Variants in SLC24A2 observed in about 807,000 individuals in gnomAD.
SLC24A2 encodes the protein sodium/potassium/calcium exchanger 2.
A neutral mutation model predicts 62.0 loss-of-function variants in SLC24A2; 36 were observed. The ratio of observed to expected loss-of-function variants is 0.58; its 90% CI spans 0.44 to 0.77. SLC24A2 has a LOEUF of 0.77. Ranked by LOEUF, SLC24A2 falls within the 30% of genes least tolerant of loss-of-function variation. The pLI, the probability that SLC24A2 is intolerant of heterozygous loss-of-function variation, is 0.00. For synonymous variants in SLC24A2, 358 were observed against 294.0 expected, an observed-to-expected ratio of 1.22 and a Z score of -2.23; for missense variants, 846 against 817.9, an observed-to-expected ratio of 1.03 and a Z score of -0.42.
chr9:20,215,880 G>C, the SLC24A2 span, among the ~76,000 whole-genome samples: 1 of 152,296 alleles, frequency 6.6e-6, no homozygotes, highest in South Asian at 2.1e-4. Flanking sequence ...ACCACCCAGA[G>C]AGAAAGCATG....
the SLC24A2 span, among the ~76,000 whole-genome samples, chr9:20,189,887 A>G: frequency 1.3e-5 from 2 of 152,190 alleles, no homozygotes; most frequent in South Asian, 2.1e-4. Flanking sequence ...GGGAATGCTC[A>G]TCTTACCTGC....
chr9:20,056,822 T>C, the SLC24A2 span, among the ~76,000 whole-genome samples: 1 of 152,208 alleles, frequency 6.6e-6, no homozygotes, highest in Non-Finnish European at 1.5e-5. Context: ...GAAAGTGATA[T>C]ATGCATCTCC....
chr9:19,988,415 C>T, the SLC24A2 span, among the ~76,000 whole-genome samples: 1 of 152,190 alleles, frequency 6.6e-6, no homozygotes, highest in African/African-American at 2.4e-5. Flanking sequence ...TTAATCCCCA[C>T]TGAACACAAC....
At chr9:20,029,636 T>A in the SLC24A2 span, among the ~76,000 whole-genome samples, 1 of 152,196 alleles carries the variant, frequency 6.6e-6, no homozygotes, top group Admixed American at 6.5e-5. Flanking sequence ...CAGGCAGTTT[T>A]TGAGATACTA....
the SLC24A2 span, among the ~76,000 whole-genome samples, chr9:20,161,349 A>G: frequency 1.3e-5 from 2 of 151,418 alleles, no homozygotes; most frequent in Non-Finnish European, 3.0e-5. Flanking sequence ...GTTTTAGAGC[A>G]CAGAAAATTA....
At chr9:19,593,007 C>T (rs1463649716) in intron 5 of SLC24A2, among the ~76,000 whole-genome samples, 2 of 152,214 alleles carry the variant, frequency 1.3e-5, no homozygotes, top group Non-Finnish European at 2.9e-5. Context: ...AGCAAAATGT[C>T]TCATTCAGAG....
chr9:20,165,737 G>A, the SLC24A2 span, among the ~76,000 whole-genome samples: 1 of 151,720 alleles, frequency 6.6e-6, no homozygotes, highest in Non-Finnish European at 1.5e-5. Flanking sequence ...AAGGAAAAAG[G>A]CTTTCTAAAT....
the SLC24A2 span, among the ~76,000 whole-genome samples, chr9:20,239,484 G>T: frequency 1.3e-5 from 2 of 149,632 alleles, no homozygotes; most frequent in Non-Finnish European, 2.9e-5. Flanking sequence ...AGGGAGAGTT[G>T]GGCCTTGGAT....
At chr9:19,914,308 G>T in the SLC24A2 span, among the ~76,000 whole-genome samples, 32 of 151,932 alleles carry the variant, frequency 2.1e-4, no homozygotes, top group African/African-American at 7.5e-4. Context: ...GATCCATACT[G>T]GATCTTGACA....
the SLC24A2 span, among the ~76,000 whole-genome samples, chr9:20,300,671 C>T: frequency 3.3e-5 from 5 of 152,104 alleles, no homozygotes; most frequent in Admixed American, 2.0e-4. Context: ...GTTACAGAAA[C>T]GGCCCTGGTT....
At chr9:20,210,652 T>C in the SLC24A2 span, among the ~76,000 whole-genome samples, 1 of 25,328 alleles carries the variant, frequency 3.9e-5, no homozygotes, top group East Asian at 4.3e-4. Context: ...TTTTTTTTTT[T>C]TTTTTTTTTT....
At chr9:20,021,770 T>C in the SLC24A2 span, among the ~76,000 whole-genome samples, 1 of 152,052 alleles carries the variant, frequency 6.6e-6, no homozygotes, top group Non-Finnish European at 1.5e-5. Flanking sequence ...CATTTACTTA[T>C]TTTACATCTA....
the SLC24A2 span, among the ~76,000 whole-genome samples, chr9:19,842,303 T>C: frequency 6.6e-6 from 1 of 152,182 alleles, no homozygotes; most frequent in African/African-American, 2.4e-5. Flanking sequence ...TCATAACTGT[T>C]GAATGAACTG....
intron 2 of SLC24A2, among the ~76,000 whole-genome samples, chr9:19,742,918 T>G (rs945476538): frequency 6.6e-6 from 1 of 152,190 alleles, no homozygotes; most frequent in African/African-American, 2.4e-5. Context: ...CCATCTTGTT[T>G]TGTTTGGAGG....
At chr9:20,060,964 C>T in the SLC24A2 span, among the ~76,000 whole-genome samples, 1 of 152,090 alleles carries the variant, frequency 6.6e-6, no homozygotes, top group South Asian at 2.1e-4. Flanking sequence ...AGATACTTAA[C>T]TGTAAATGTA....
chr9:19,902,397 A>C, the SLC24A2 span, among the ~76,000 whole-genome samples: 365 of 152,304 alleles, frequency 2.4e-3, 1 homozygote, highest in African/African-American at 8.4e-3. Context: ...TTATGCCTAC[A>C]CCTTACAACA....
At chr9:19,842,838 T>G in the SLC24A2 span, among the ~76,000 whole-genome samples, 1 of 152,226 alleles carries the variant, frequency 6.6e-6, no homozygotes, top group Non-Finnish European at 1.5e-5. Context: ...ACAGCTCAGA[T>G]CACTAAGCTT....
the SLC24A2 span, among the ~76,000 whole-genome samples, chr9:20,263,587 G>C: frequency 1.3e-5 from 2 of 152,092 alleles, no homozygotes; most frequent in Non-Finnish European, 2.9e-5. Flanking sequence ...TGAAAAATTA[G>C]GAAGCCAGCA....
the SLC24A2 span, among the ~76,000 whole-genome samples, chr9:20,137,375 G>A: frequency 1.3e-5 from 2 of 152,138 alleles, no homozygotes; most frequent in Non-Finnish European, 2.9e-5. Flanking sequence ...AATATACTCT[G>A]GCAGAGAGAG....
Sources: gnomAD v4.1 joint callset for allele counts (sites outside exome capture counted in the v4.1 genomes callset) on GRCh38, gnomAD v4.1.1 for gene constraint, MANE v1.5 for transcripts, NCBI Gene and HGNC (gene_info 2026-07-23, HGNC 2026-07-21) for gene names.